Variants in ZC3H11B observed in about 807,000 individuals in gnomAD.
ZC3H11B encodes the protein zinc finger CCCH domain-containing protein 11B.
In ZC3H11B, 3 loss-of-function variants were observed where a neutral mutation model predicts 34.0. That is an observed-to-expected ratio of 0.09 (90% CI 0.04 to 0.23). The LOEUF (loss-of-function observed/expected upper bound fraction) is 0.23, where lower values mean the gene tolerates loss of function less well. Among genes scored for constraint, ZC3H11B ranks in the 10% least tolerant of loss-of-function variants. ZC3H11B has a pLI of 1.00. For missense variants in ZC3H11B, 99 were observed against 660.1 expected, an observed-to-expected ratio of 0.15 and a Z score of 9.31; for synonymous variants, 33 against 250.1, an observed-to-expected ratio of 0.13 and a Z score of 8.19.
In ZC3H11B at chr1:219,609,983, C is replaced by T. The variant is rs1266206874; in HGVS notation, c.2080G>A (p.Glu694Lys). 6.5e-6 allele frequency: 10 copies of T among 1,527,760 alleles called. No homozygotes were observed. In the East Asian group the frequency reaches 2.3e-4, roughly 35 times the overall value. The allele number at this position is 1,527,760 out of a possible 1,614,324, so 94.6% of individuals were successfully genotyped here. Reference sequence around the variant, plus strand: ...ACAGCTGCCTTTTTGGCTGGGGGTTCCTGTAGGACGCTGCTGGAGCTGAGT... The same window carrying T: ...ACAGCTGCCTTTTTGGCTGGGGGTTTCTGTAGGACGCTGCTGGAGCTGAGT... The change falls in exon 2 of 2, where the codon GAA (glutamate) becomes AAA (lysine). Residue 694 changes from glutamate (E) to lysine (K), a missense_variant. Coordinates refer to ENST00000651890, the Ensembl canonical transcript of ZC3H11B.
chr1:219,608,926 A>T (rs1328850465), exon 2 of ZC3H11B: 1 of 152,552 alleles, frequency 6.6e-6, no homozygotes. Flanking sequence ...GGAATCCCAG[A>T]AATAGAAAAT....
chr1:219,608,278 G>C (rs1347494933), exon 2 of ZC3H11B: 1 of 152,618 alleles, frequency 6.6e-6, no homozygotes, highest in Non-Finnish European at 1.5e-5. Flanking sequence ...TGAATGGGCA[G>C]TCCTGTGGCT....
exon 2 of ZC3H11B, chr1:219,608,554 G>A (rs1667951414): frequency 6.6e-6 from 1 of 151,918 alleles, no homozygotes; most frequent in Non-Finnish European, 1.5e-5. Context: ...TGATATGAAG[G>A]AAACCAACAT....
At chr1:219,608,175 T>C (rs1421371772) in exon 2 of ZC3H11B, among the ~76,000 whole-genome samples, 2 of 152,040 alleles carry the variant, frequency 1.3e-5, no homozygotes, top group Admixed American at 1.3e-4. Flanking sequence ...CATACAACAT[T>C]CAGTCAGCTG....
chr1:219,609,406 A>G (rs1667964870), exon 2 of ZC3H11B: 1 of 519,758 alleles, frequency 1.9e-6, no homozygotes. Context: ...TTTTCTCAAA[A>G]GATGATAAAC....
At chr1:219,612,265 T>C (rs2653991) in exon 2 of ZC3H11B, 110,772 of 375,930 alleles carry the variant, frequency 0.29, 23,733 homozygotes, top group East Asian at 0.43. Flanking sequence ...CAATCTATTA[T>C]GCCTGTAGGT....
chr1:219,608,452 C>A (rs1011998790), exon 2 of ZC3H11B: 7 of 152,064 alleles, frequency 4.6e-5, no homozygotes, highest in Non-Finnish European at 8.8e-5. Context: ...GTAAGTCCTG[C>A]CTTCCTCTTC....
chr1:219,609,205 T>C (rs1484155231), exon 2 of ZC3H11B: 1 of 183,818 alleles, frequency 5.4e-6, no homozygotes, highest in Non-Finnish European at 1.1e-5. Flanking sequence ...CCCTTAATGG[T>C]AGCAGCTGTC....
Position 219,608,071 on chromosome 1 carries a change from G to A in ZC3H11B, c.*1574C>T, listed in dbSNP as rs542071894. Among the ~76,000 whole-genome samples the A allele has an allele frequency of 8.5e-5, 13 of 152,052 alleles. No individual in the cohort carries two copies. The South Asian group carries it at 2.7e-3, about 32-fold the overall frequency. The stretch of plus-strand genomic sequence containing the variant: ...AAGAATAAAGAATATATACAAAAGG[G>A]ACCTGGAATCTGTAAGCTGATTCCA... On this transcript the variant is annotated 3_prime_UTR_variant, in exon 2 of 2. Transcript: ENST00000651890.
exon 2 of ZC3H11B, chr1:219,609,990 G>A (rs1285722666): frequency 7.8e-6 from 12 of 1,533,732 alleles, no homozygotes; most frequent in Non-Finnish European, 8.1e-6. Flanking sequence ...GTTCCTGTAG[G>A]ACGCTGCTGG....
At chr1:219,612,901 T>C (rs1486223661) in intron 1 of ZC3H11B, 30 bp downstream of exon 1, 2 of 269,078 alleles carry the variant, frequency 7.4e-6, no homozygotes, top group Non-Finnish European at 1.3e-5. Flanking sequence ...GGTGGGAGTG[T>C]AATGAGGGTG....
chr1:219,612,722 A>C (rs927008027), intron 1 of ZC3H11B, 159 bp from the exon 2 acceptor site: 1 of 270,844 alleles, frequency 3.7e-6, no homozygotes, highest in Non-Finnish European at 6.4e-6. Context: ...CTCCTTCTCA[A>C]GGTCCAGAAC....
chr1:219,612,198 A>C, exon 2 of ZC3H11B: 1 of 638,144 alleles, frequency 1.6e-6, no homozygotes, highest in Non-Finnish European at 2.8e-6. Flanking sequence ...ATTGTCTTTA[A>C]ACTGTAATCA....
At position 219,612,276 on chromosome 1, in the gene ZC3H11B, C is replaced by T. The variant is rs1295951222; in HGVS notation, c.-214G>A. 1.8e-5 allele frequency: 9 copies of T among 497,556 alleles called. 1 individual carries two copies. The highest frequency in any genetic ancestry group is 9.7e-5 in the African/African-American group (4 of 41,222). The allele number at this position is 497,556 out of a possible 1,614,324, so 30.8% of individuals were successfully genotyped here. ...GTTCCAATCTATTATGCCTGTAGGTCGAACCAACACTCAATCCATGAATTA... is the reference window on the plus strand; with the variant it reads ...GTTCCAATCTATTATGCCTGTAGGTTGAACCAACACTCAATCCATGAATTA... On this transcript the variant is annotated 5_prime_UTR_variant, in exon 2 of 2. Transcript: ENST00000651890.
At chr1:219,612,174 A>G in exon 2 of ZC3H11B, 2 of 613,560 alleles carry the variant, frequency 3.3e-6, no homozygotes. Flanking sequence ...CCAAATGACA[A>G]CTTGATCACA....
rs996630245 is a variant in ZC3H11B, at chr1:219,608,975, A to G, written c.*670T>C. On this transcript the variant is annotated 3_prime_UTR_variant, in exon 2 of 2. Coordinates refer to ENST00000651890, the Ensembl canonical transcript of ZC3H11B. ...CCCCTGAGGCACTTTAAAGCCTTTT[A>G]AAAAATTACAGTAATAATAAATTAG... 375 of 149,652 alleles carry G rather than the reference A, an allele frequency of 2.5e-3. 4 individuals carry two copies. Among genetic ancestry groups the G allele is most frequent in the African/African-American group, 9.0e-3 (361 of 40,192 alleles). The allele number at this position is 149,652 out of a possible 1,614,324, so 9.3% of individuals were successfully genotyped here. A position where few individuals can be genotyped will look rare whatever the true frequency, so the allele number is the denominator to read the frequency against.
exon 2 of ZC3H11B, chr1:219,609,631 C>CT (rs1285760646): frequency 1.9e-6 from 2 of 1,049,264 alleles, no homozygotes; most frequent in East Asian, 5.2e-5. Context: ...CCACCTTCAG[C>CT]TATCAATCAT....
In ZC3H11B at chr1:219,609,911, GCA is replaced by G; in HGVS notation, c.2150_2151del (p.Val717AlafsTer2). The G allele has an allele frequency of 6.2e-7, 1 of 1,613,772 alleles. No homozygotes were observed. Among genetic ancestry groups the G allele is most frequent in the Non-Finnish European group, 8.5e-7 (1 of 1,179,580 alleles). On this transcript the variant is annotated frameshift_variant, in exon 2 of 2. Coordinates refer to ENST00000651890, the Ensembl canonical transcript of ZC3H11B. LOFTEE classifies it high-confidence loss of function. ...CTGTCTCTAGGATTTTCTGCTTCAGGCACAGTGACTGATTTGTCCTCAGAGTC... is the reference window on the plus strand; with the variant it reads ...CTGTCTCTAGGATTTTCTGCTTCAGGCAGTGACTGATTTGTCCTCAGAGTC...
At chr1:219,613,014 G>T (rs1201916814) in exon 1 of ZC3H11B, 1 of 243,906 alleles carries the variant, frequency 4.1e-6, no homozygotes, top group Non-Finnish European at 7.7e-6. Flanking sequence ...CACTATCCCC[G>T]ACTCCCGCTT....
Sources: gnomAD v4.1 joint callset for allele counts (sites outside exome capture counted in the v4.1 genomes callset) on GRCh38, gnomAD v4.1.1 for gene constraint, MANE v1.5 for transcripts, NCBI Gene and HGNC (gene_info 2026-07-23, HGNC 2026-07-21) for gene names.